Variants in KLHL1 observed in about 807,000 individuals in gnomAD.
KLHL1 encodes the protein kelch like family member 1, also known as kelch-like protein 1.
In KLHL1, 47 loss-of-function variants were observed where a neutral mutation model predicts 77.7. The ratio of observed to expected loss-of-function variants is 0.60; its 90% CI spans 0.48 to 0.77. The LOEUF (loss-of-function observed/expected upper bound fraction) is 0.77, where lower values mean the gene tolerates loss of function less well. Among genes scored for constraint, KLHL1 ranks in the 30% least tolerant of loss-of-function variants. The probability of loss-of-function intolerance (pLI) is 0.00; values close to 1 mark genes in which losing one functional copy is unlikely to be tolerated. For synonymous variants in KLHL1, 360 were observed against 325.2 expected (o/e 1.11, Z -1.15); for missense variants, 925 against 910.8 (o/e 1.02, Z -0.20).
At chr13:69,876,784 T>A (rs984430803) in intron 5 of KLHL1, among the ~76,000 whole-genome samples, 1 of 152,166 alleles carries the variant, frequency 6.6e-6, no homozygotes, top group Non-Finnish European at 1.5e-5. Context: ...ATGCCTGTAA[T>A]CCCAACACTT....
chr13:69,888,956 C>G (rs1004041041), intron 4 of KLHL1, among the ~76,000 whole-genome samples: 5 of 151,580 alleles, frequency 3.3e-5, no homozygotes, highest in Non-Finnish European at 4.4e-5. Context: ...TTCCCATGTC[C>G]CTTATGGAGG....
intron 7 of KLHL1, among the ~76,000 whole-genome samples, chr13:69,776,985 C>A (rs1875861569): frequency 6.6e-6 from 1 of 151,476 alleles, no homozygotes; most frequent in Non-Finnish European, 1.5e-5. Flanking sequence ...CAAATCTCAT[C>A]TTGAATTGTA....
At chr13:70,080,149 G>A (rs147746158) in intron 1 of KLHL1, among the ~76,000 whole-genome samples, 292 of 152,240 alleles carry the variant, frequency 1.9e-3, no homozygotes, top group African/African-American at 6.3e-3. Flanking sequence ...GAAAGGATAC[G>A]TGTTGGCATG....
intron 7 of KLHL1, among the ~76,000 whole-genome samples, chr13:69,783,300 C>G (rs1876328257): frequency 6.6e-6 from 1 of 152,102 alleles, no homozygotes; most frequent in African/African-American, 2.4e-5. Context: ...AGCTCCTCAC[C>G]AGCAATAGAA....
chr13:70,000,509 A>G (rs1885262038), intron 1 of KLHL1, among the ~76,000 whole-genome samples: 1 of 152,020 alleles, frequency 6.6e-6, no homozygotes, highest in Non-Finnish European at 1.5e-5. Context: ...GAACTATTGC[A>G]TATCAAAGTT....
intron 9 of KLHL1, among the ~76,000 whole-genome samples, chr13:69,717,144 G>T (rs1456120090): frequency 6.6e-6 from 1 of 152,064 alleles, no homozygotes; most frequent in East Asian, 1.9e-4. Flanking sequence ...TTATATAATA[G>T]TTTACATTTC....
intron 1 of KLHL1, among the ~76,000 whole-genome samples, chr13:70,013,928 T>C (rs968950201): frequency 2.0e-5 from 3 of 152,178 alleles, no homozygotes; most frequent in African/African-American, 7.2e-5. Flanking sequence ...TATACCTTAA[T>C]GTTTACAACT....
rs187401806 is a variant in KLHL1, at chr13:69,999,318, G to T, written c.498-23516C>A. 1.7e-3 allele frequency among the ~76,000 whole-genome samples: 262 copies of T among 150,160 alleles called. 3 individuals are homozygous for T. Among genetic ancestry groups the T allele is most frequent in the African/African-American group, 6.3e-3 (257 of 40,998 alleles). Reference sequence around the variant, plus strand: ...TACCGGAAGGCGAAGATCATCGGTGGTCACCTAAGTCTATGGCTTCATGAG... The same window carrying T: ...TACCGGAAGGCGAAGATCATCGGTGTTCACCTAAGTCTATGGCTTCATGAG... On this transcript the variant is annotated intron_variant, in intron 1 of 10. Transcript: ENST00000377844.
At chr13:69,983,725 A>T (rs1325865405) in intron 1 of KLHL1, among the ~76,000 whole-genome samples, 3 of 151,986 alleles carry the variant, frequency 2.0e-5, no homozygotes. Flanking sequence ...CTGTACTCAC[A>T]TCACTGCACT....
intron 1 of KLHL1, among the ~76,000 whole-genome samples, chr13:70,038,629 C>A (rs1192680911): frequency 9.3e-6 from 1 of 107,990 alleles, no homozygotes; most frequent in Non-Finnish European, 1.7e-5. Context: ...ATTCTTGTCG[C>A]TCAGGGTGGA....
chr13:70,000,000 C>T (rs1885247676), intron 1 of KLHL1, among the ~76,000 whole-genome samples: 1 of 151,894 alleles, frequency 6.6e-6, no homozygotes, highest in Non-Finnish European at 1.5e-5. Context: ...ACACATTCCT[C>T]ATGAACGGCT....
At chr13:70,088,597 C>A (rs1273361904) in intron 1 of KLHL1, among the ~76,000 whole-genome samples, 17 of 152,060 alleles carry the variant, frequency 1.1e-4, no homozygotes, top group South Asian at 2.1e-4. Context: ...GCAAGAGGAT[C>A]ACTTGAGCCC....
At chr13:70,009,958 A>AT (rs35326746) in intron 1 of KLHL1, among the ~76,000 whole-genome samples, 15,611 of 152,116 alleles carry the variant, frequency 0.1, 860 homozygotes, top group African/African-American at 0.12. Flanking sequence ...ATAAAGTCAC[A>AT]TTTTAAGAGT....
chr13:69,736,039 G>C (rs1422724430), intron 8 of KLHL1, among the ~76,000 whole-genome samples: 1 of 152,034 alleles, frequency 6.6e-6, no homozygotes, highest in African/African-American at 2.4e-5. Context: ...AAATAAATGG[G>C]ACTTAATTAA....
At chr13:69,861,608 T>C (rs1000902944) in intron 5 of KLHL1, among the ~76,000 whole-genome samples, 3 of 151,644 alleles carry the variant, frequency 2.0e-5, no homozygotes, top group Non-Finnish European at 4.4e-5. Context: ...AAGTTTATGA[T>C]TTCATATTTG....
At chr13:69,745,266 G>T (rs1053007963) in intron 7 of KLHL1, among the ~76,000 whole-genome samples, 1 of 151,102 alleles carries the variant, frequency 6.6e-6, no homozygotes, top group Non-Finnish European at 1.5e-5. Context: ...TTTTGTGAAG[G>T]CCTGTTAAAA....
intron 3 of KLHL1, among the ~76,000 whole-genome samples, chr13:69,944,229 T>G (rs928600340): frequency 2.0e-5 from 3 of 152,164 alleles, no homozygotes. Context: ...TGCAGGCCTA[T>G]GCGATCAACA....
At chr13:69,829,414 C>T (rs116447616) in intron 6 of KLHL1, among the ~76,000 whole-genome samples, 2,409 of 150,214 alleles carry the variant, frequency 0.016, 245 homozygotes, top group African/African-American at 0.055. Context: ...CAAGGAATCA[C>T]TGTGCAGGAC....
chr13:69,956,829 T>C (rs529981323), intron 3 of KLHL1, among the ~76,000 whole-genome samples: 6 of 151,832 alleles, frequency 4.0e-5, no homozygotes, highest in Non-Finnish European at 4.4e-5. Flanking sequence ...ATTTGAAATA[T>C]GAAATATGTA....
Sources: gnomAD v4.1 joint callset for allele counts (sites outside exome capture counted in the v4.1 genomes callset) on GRCh38, gnomAD v4.1.1 for gene constraint, MANE v1.5 for transcripts, NCBI Gene and HGNC (gene_info 2026-07-23, HGNC 2026-07-21) for gene names.